Variants in CRLF2 observed in about 807,000 individuals in gnomAD.
CRLF2 encodes cytokine receptor-like factor 2.
Under a neutral mutation model 38.7 loss-of-function variants are expected in CRLF2, and 41 were observed. The observed-to-expected ratio is 1.06, with a 90% CI of 0.83 to 1.37. The LOEUF (loss-of-function observed/expected upper bound fraction) is 1.37, where lower values mean the gene tolerates loss of function less well. Ranked by LOEUF, CRLF2 falls within the 40% of genes most tolerant of loss-of-function variation. The pLI is 0.00. For synonymous variants in CRLF2, 140 were observed against 128.8 expected (o/e 1.09, Z -0.59); for missense variants, 377 against 322.2 (o/e 1.17, Z -1.30).
intron 4 of CRLF2, among the ~76,000 whole-genome samples, chrX:1,200,127 C>A (rs139039082): frequency 0.51 from 76,211 of 150,092 alleles, 19,678 homozygotes; most frequent in East Asian, 0.69. Flanking sequence ...GTTTGTGTAT[C>A]TATACATGTG....
At chrX:1,197,310 T>C (rs1471921813) in intron 5 of CRLF2, among the ~76,000 whole-genome samples, 11 of 151,446 alleles carry the variant, frequency 7.3e-5, no homozygotes, top group African/African-American at 2.7e-4. Context: ...TAATGAATGT[T>C]AGTGTCAGCA....
At chrX:1,205,985 A>C (rs2147848299) in intron 3 of CRLF2, among the ~76,000 whole-genome samples, 1 of 152,160 alleles carries the variant, frequency 6.6e-6, no homozygotes, top group African/African-American at 2.4e-5. Context: ...AGCGAAAAGT[A>C]GGCTGGGTTG....
At chrX:1,206,685 C>G (rs780948761) in intron 2 of CRLF2, 86 bp from the exon 3 acceptor site, 10 of 1,363,584 alleles carry the variant, frequency 7.3e-6, no homozygotes, top group Middle Eastern at 2.0e-4. Context: ...TCTTGTCGCC[C>G]AGGTTGGAGT....
intron 3 of CRLF2, among the ~76,000 whole-genome samples, chrX:1,205,487 A>G (rs1382821287): frequency 6.6e-6 from 1 of 152,054 alleles, no homozygotes; most frequent in Non-Finnish European, 1.5e-5. Flanking sequence ...TTGCTTTTCA[A>G]TTGTTATGGT....
chrX:1,197,135 C>G (rs1404416840), intron 5 of CRLF2, among the ~76,000 whole-genome samples: 1 of 140,310 alleles, frequency 7.1e-6, no homozygotes, highest in African/African-American at 2.7e-5. Context: ...CTCTGTTGCC[C>G]AGGCTGGAGT....
chrX:1,194,323 G>A (rs2147822993), intron 6 of CRLF2, among the ~76,000 whole-genome samples: 1 of 151,830 alleles, frequency 6.6e-6, no homozygotes, highest in Admixed American at 6.6e-5. Flanking sequence ...TTAGCCGGGT[G>A]TGGTGGCAGA....
intron 7 of CRLF2, among the ~76,000 whole-genome samples, chrX:1,192,179 T>G (rs1355416529): frequency 8.3e-6 from 1 of 119,896 alleles, no homozygotes; most frequent in Non-Finnish European, 1.6e-5. Context: ...CACTCCAGCC[T>G]GGGCGACAGA....
At position 1,202,396 on chromosome X, in the gene CRLF2, G is replaced by T. The variant is rs1177927041; in HGVS notation, c.483+6C>A. 5 of 1,613,466 alleles carry T rather than the reference G, an allele frequency of 3.1e-6. No individual in the cohort carries two copies. Among genetic ancestry groups the T allele is most frequent in the Non-Finnish European group, 4.2e-6 (5 of 1,179,540 alleles). Reference sequence around the variant, plus strand: ...CATCGCCCTGAGTCGCGGCCGCCCGGCTCACCTGCCACTCGGTGTCGAAGG... The same window carrying T: ...CATCGCCCTGAGTCGCGGCCGCCCGTCTCACCTGCCACTCGGTGTCGAAGG... On this transcript the variant is annotated splice_donor_region_variant and intron_variant, in intron 4 of 7. Transcript: ENST00000400841.
At chrX:1,192,212 A>G in intron 7 of CRLF2, among the ~76,000 whole-genome samples, 1 of 137,508 alleles carries the variant, frequency 7.3e-6, no homozygotes, top group Admixed American at 7.8e-5. Flanking sequence ...CTCAAAAAAA[A>G]AAAAAAAACA....
chrX:1,196,734 G>T (rs1232572185), intron 6 of CRLF2, 46 bp downstream of exon 6: 4 of 1,604,706 alleles, frequency 2.5e-6, no homozygotes, highest in Admixed American at 1.7e-5. Context: ...CACAGACATT[G>T]TGCAAGCAGG....
chrX:1,204,552 T>A (rs1356879477), intron 3 of CRLF2, among the ~76,000 whole-genome samples: 1 of 149,010 alleles, frequency 6.7e-6, no homozygotes, highest in African/African-American at 2.5e-5. Flanking sequence ...ATAATAAATT[T>A]ATAAATCGCC....
chrX:1,199,088 G>GATGATGAA (rs2086555836), intron 4 of CRLF2: 1 of 391,300 alleles, frequency 2.6e-6, no homozygotes, highest in East Asian at 7.2e-5. Context: ...GGCGAAGGTT[G>GATGATGAA]TAGCAAGCAG....
At chrX:1,210,022 T>G (rs1345982454) in intron 1 of CRLF2, among the ~76,000 whole-genome samples, 1 of 150,240 alleles carries the variant, frequency 6.7e-6, no homozygotes, top group African/African-American at 2.5e-5. Context: ...GAGAATGGCT[T>G]GAACTCAGGA....
chrX:1,192,713 TTTCTTTC>T (rs1325591850), intron 7 of CRLF2, among the ~76,000 whole-genome samples: 26 of 20,234 alleles, frequency 1.3e-3, no homozygotes, highest in Admixed American at 3.7e-3. Flanking sequence ...TTTTCTTTTC[TTTCTTTC>T]TTTCTTTCTT....
intron 4 of CRLF2, among the ~76,000 whole-genome samples, chrX:1,201,184 AC>A (rs1479813071): frequency 6.6e-6 from 1 of 152,128 alleles, no homozygotes; most frequent in African/African-American, 2.4e-5. Flanking sequence ...GCTGCATAGG[AC>A]AGCTGTGTGA....
chrX:1,201,815 G>A (rs2086613762), intron 4 of CRLF2, among the ~76,000 whole-genome samples: 1 of 152,024 alleles, frequency 6.6e-6, no homozygotes, highest in Non-Finnish European at 1.5e-5. Flanking sequence ...TAGTTAGATA[G>A]AGATGATAGA....
At chrX:1,193,147 G>C (rs1357804627) in intron 7 of CRLF2, 71 bp downstream of exon 7, 3 of 398,044 alleles carry the variant, frequency 7.5e-6, no homozygotes, top group Admixed American at 8.8e-5. Context: ...CGCGCTCAGA[G>C]AGATAGGAAT....
At chrX:1,203,565 G>T (rs1201862121) in intron 3 of CRLF2, among the ~76,000 whole-genome samples, 1 of 150,888 alleles carries the variant, frequency 6.6e-6, no homozygotes, top group East Asian at 2.0e-4. Flanking sequence ...AGGTGCCCTT[G>T]TAAGAGACAG....
At chrX:1,207,849 C>G (rs1161425834) in intron 2 of CRLF2, among the ~76,000 whole-genome samples, 1 of 151,958 alleles carries the variant, frequency 6.6e-6, no homozygotes, top group African/African-American at 2.4e-5. Flanking sequence ...GGGGTTTCAC[C>G]ATGTTGGCCA....
Sources: allele counts gnomAD v4.1 joint callset (sites outside exome capture counted in the v4.1 genomes callset), GRCh38; gene constraint gnomAD v4.1.1; transcripts MANE v1.5; gene names NCBI Gene and HGNC (gene_info 2026-07-23, HGNC 2026-07-21).